The following HEATR5B variants were observed in gnomAD, a reference collection of about 807,000 sequenced individuals.
HEATR5B encodes HEAT repeat containing 5B, also known as HEAT repeat-containing protein 5B.
A neutral mutation model predicts 224.1 loss-of-function variants in HEATR5B; 156 were observed. That is an observed-to-expected ratio of 0.70 (90% CI 0.61 to 0.80). HEATR5B has a LOEUF of 0.80. HEATR5B is among the 30% of genes least tolerant of loss of function. The pLI is 0.00. For missense variants in HEATR5B, 2,323 were observed against 2,535.5 expected (o/e 0.92, Z 1.80); for synonymous variants, 1,027 against 893.0 (o/e 1.15, Z -2.68).
chr2:37,024,598 GAAAC>G (rs1038445934), intron 24 of HEATR5B, among the ~76,000 whole-genome samples: 1 of 152,092 alleles, frequency 6.6e-6, no homozygotes, highest in East Asian at 1.9e-4. Context: ...AAAAAATTGA[GAAAC>G]AAACAAACAA....
At chr2:37,052,992 G>C (rs1670655589) in intron 17 of HEATR5B, among the ~76,000 whole-genome samples, 2 of 152,240 alleles carry the variant, frequency 1.3e-5, no homozygotes, top group Admixed American at 6.5e-5. Flanking sequence ...CTGCAGATAA[G>C]GAAGGGACTA....
rs754159624 is a variant in HEATR5B, at chr2:37,058,973, C to T, written c.1864G>A (p.Val622Ile). ...AGALCAMRSF[V>I]AHCPELLTED... ...GTTAGTAGCTCAGGACAATGTGCAA[C>T]GAAGCTCCTCATGGCTAGATAAAAT... Residue 622 changes from valine (V) to isoleucine (I), a missense_variant, in exon 13 of 36, where the codon GTT becomes ATT. Transcript: ENST00000233099. 5.6e-6 allele frequency: 9 copies of T among 1,606,986 alleles called. No individual in the cohort carries two copies. The highest frequency in any genetic ancestry group is 4.0e-5 in the African/African-American group (3 of 74,770).
At position 37,051,897 on chromosome 2, in the gene HEATR5B, G is replaced by A. The variant is rs1172901424; in HGVS notation, c.2505+1605C>T. On this transcript the variant is annotated intron_variant, in intron 17 of 35. Transcript: ENST00000233099. Reference sequence around the variant, plus strand: ...TGGGATTACAGGCACCTGACACCACGCCTGGCTAATTTTTGTATTTTTAGT... The same window carrying A: ...TGGGATTACAGGCACCTGACACCACACCTGGCTAATTTTTGTATTTTTAGT... Among the ~76,000 whole-genome samples, 7 of 151,928 alleles carry A rather than the reference G, an allele frequency of 4.6e-5. 1 individual carries two copies. Among genetic ancestry groups the A allele is most frequent in the Admixed American group, 2.6e-4 (4 of 15,260 alleles).
intron 24 of HEATR5B, among the ~76,000 whole-genome samples, chr2:37,023,904 A>T (rs879449809): frequency 1.3e-5 from 2 of 152,196 alleles, no homozygotes; most frequent in Non-Finnish European, 1.5e-5. Flanking sequence ...GGAAGCAAAA[A>T]CACACCACCA....
In HEATR5B at chr2:37,065,907, G is replaced by A. The variant is rs781086678; in HGVS notation, c.1181C>T (p.Ala394Val). 6.2e-6 allele frequency: 10 copies of A among 1,601,854 alleles called. No individual in the cohort carries two copies. The highest frequency in any genetic ancestry group is 1.1e-5 in the South Asian group (1 of 90,174). ...AIGKQMKAVE[A>V]VVNDTSGENK... Reference sequence around the variant, plus strand: ...TTCTCCACTTGTGTCATTCACTACTGCTTCTGGAAACACAAAATCATGTCT... The same window carrying A: ...TTCTCCACTTGTGTCATTCACTACTACTTCTGGAAACACAAAATCATGTCT... The change falls in exon 9 of 36, where the codon GCA (alanine) becomes GTA (valine). Residue 394 changes from alanine to valine, a missense_variant. Around this residue, in one of 12 missense-constraint regions of HEATR5B, gnomAD observed 502 missense variants for 517.8 expected, o/e 0.97. Coordinates refer to ENST00000233099, the MANE Select transcript of HEATR5B (RefSeq NM_019024.3).
At chr2:37,014,822 C>T (rs566839110) in intron 26 of HEATR5B, among the ~76,000 whole-genome samples, 2 of 151,606 alleles carry the variant, frequency 1.3e-5, no homozygotes, top group African/African-American at 4.8e-5. Flanking sequence ...ACTAAAAATA[C>T]AAAAATTAGC....
At chr2:37,065,446 T>C (rs1671532447) in intron 9 of HEATR5B, among the ~76,000 whole-genome samples, 1 of 151,980 alleles carries the variant, frequency 6.6e-6, no homozygotes, top group Non-Finnish European at 1.5e-5. Context: ...CCCAAGTAGA[T>C]TACAGGCACG....
At chr2:37,080,778 A>T (rs1672510201) in intron 2 of HEATR5B, among the ~76,000 whole-genome samples, 1 of 139,786 alleles carries the variant, frequency 7.2e-6, no homozygotes, top group South Asian at 2.3e-4. Context: ...GTACAGATTA[A>T]AAAAAAAAAA....
chr2:37,028,667 C>T lies in HEATR5B; in HGVS notation c.3601+14G>A. 1 of 1,612,030 alleles carries T rather than the reference C, an allele frequency of 6.2e-7. No homozygotes were observed. The highest frequency in any genetic ancestry group is 1.1e-5 in the South Asian group (1 of 90,892). ...CAATTTCCATTATTTTAAGAACGCACATTAAATACTTACCACTAGAAGCTG... is the reference window on the plus strand; with the variant it reads ...CAATTTCCATTATTTTAAGAACGCATATTAAATACTTACCACTAGAAGCTG... On this transcript the variant is annotated intron_variant, in intron 23 of 35. Transcript: ENST00000233099.
At chr2:37,034,658 G>A (rs1294438044) in intron 21 of HEATR5B, among the ~76,000 whole-genome samples, 1 of 145,094 alleles carries the variant, frequency 6.9e-6, no homozygotes, top group Non-Finnish European at 1.5e-5. Flanking sequence ...CCAGGCTGGT[G>A]TGCAGTGTCA....
chr2:37,022,746 A>G (rs952222099), intron 24 of HEATR5B, among the ~76,000 whole-genome samples: 2 of 152,228 alleles, frequency 1.3e-5, no homozygotes, highest in African/African-American at 4.8e-5. Context: ...GCCCTAGAGT[A>G]AAAGTTGTCC....
chr2:37,058,746 T>C lies in HEATR5B; in HGVS notation c.1949+142A>G, dbSNP rs144891328. 332 of 667,596 alleles carry C rather than the reference T, an allele frequency of 5.0e-4. No homozygotes were observed. The African/African-American group carries it at 5.2e-3, about 11-fold the overall frequency. The allele number at this position is 667,596 out of a possible 1,614,324, so 41.4% of individuals were successfully genotyped here. ...TACAACTGTATTTCAATCCACACCA[T>C]TGCTGTAATTTTTAAAGTTATATTA... On this transcript the variant is annotated intron_variant, in intron 13 of 35. Coordinates refer to ENST00000233099, the MANE Select transcript of HEATR5B (RefSeq NM_019024.3).
chr2:37,029,139 G>A lies in HEATR5B; in HGVS notation c.3362-219C>T, dbSNP rs141489761. Among the ~76,000 whole-genome samples, 44 of 152,218 alleles carry A rather than the reference G, an allele frequency of 2.9e-4. No homozygotes were observed. The East Asian group carries it at 8.1e-3, about 28-fold the overall frequency. ...CTCGAACTGTAAAACTGATTATTCT[G>A]AGATATTGTAAACAAATCTCAGGGA... On this transcript the variant is annotated intron_variant, in intron 22 of 35. Transcript: ENST00000233099.
chr2:37,058,751 G>A (rs1323372498), intron 13 of HEATR5B, 137 bp downstream of exon 13: 3 of 684,124 alleles, frequency 4.4e-6, no homozygotes, highest in Non-Finnish European at 7.4e-6. Context: ...CACCATTGCT[G>A]TAATTTTTAA....
At chr2:36,983,373 CA>C (rs57119983) in intron 35 of HEATR5B, among the ~76,000 whole-genome samples, 13,970 of 139,664 alleles carry the variant, frequency 0.1, 2,057 homozygotes, top group African/African-American at 0.33. Context: ...ACTAAAAATA[CA>C]AAAAAAAAAA....
intron 35 of HEATR5B, among the ~76,000 whole-genome samples, chr2:36,984,304 G>C (rs925583182): frequency 2.0e-5 from 3 of 147,386 alleles, no homozygotes; most frequent in Admixed American, 6.8e-5. Flanking sequence ...AAGCATTATA[G>C]GAAATGTTAC....
intron 27 of HEATR5B, among the ~76,000 whole-genome samples, 155 bp from the exon 28 acceptor site, chr2:37,009,003 T>C (rs555277712): frequency 6.6e-6 from 1 of 152,206 alleles, no homozygotes; most frequent in East Asian, 1.9e-4. Flanking sequence ...CTCACACCTG[T>C]AATCCCAGGA....
chr2:37,038,685 C>G (rs1257316108), intron 20 of HEATR5B, among the ~76,000 whole-genome samples: 1 of 152,152 alleles, frequency 6.6e-6, no homozygotes, highest in Non-Finnish European at 1.5e-5. Flanking sequence ...CTGTTTTTCC[C>G]TATAATACCA....
Position 37,064,739 on chromosome 2 carries a change from C to T in HEATR5B, c.1584+1G>A, listed in dbSNP as rs1457297176. ...TCCCAAGTCTAGGATCTCCGTCATA[C>T]CTTTCCTTTGGCATGAGGAATGCCC... is the stretch of plus-strand genomic sequence containing the variant. On this transcript the variant is annotated splice_donor_variant, in intron 10 of 35. Coordinates refer to ENST00000233099, the MANE Select transcript of HEATR5B (RefSeq NM_019024.3). LOFTEE classifies it high-confidence loss of function. 3 of 1,613,778 alleles carry T rather than the reference C, an allele frequency of 1.9e-6. No individual in the cohort carries two copies. Among genetic ancestry groups the T allele is most frequent in the Non-Finnish European group, 2.5e-6 (3 of 1,179,916 alleles).
Sources: gnomAD v4.1 joint callset for allele counts (sites outside exome capture counted in the v4.1 genomes callset) on GRCh38, gnomAD v4.1.1 for gene constraint, gnomAD v4.1.1 regional missense constraint, MANE v1.5 for transcripts, NCBI Gene and HGNC (gene_info 2026-07-23, HGNC 2026-07-21) for gene names.